The following MUC5AC variants were observed in gnomAD, a reference collection of about 807,000 sequenced individuals.
MUC5AC encodes mucin-5AC.
MUC5AC carries 158 observed loss-of-function variants against 169.7 expected under a neutral mutation model. The ratio of observed to expected loss-of-function variants is 0.93; its 90% CI spans 0.82 to 1.06. MUC5AC has a LOEUF of 1.06. Among genes scored for constraint, MUC5AC ranks in the 50% least tolerant of loss-of-function variants. The pLI, the probability that MUC5AC is intolerant of heterozygous loss-of-function variation, is 0.00. For missense variants in MUC5AC, 4,359 were observed against 3,089.9 expected, an observed-to-expected ratio of 1.41 and a Z score of -9.74; for synonymous variants, 1,975 against 1,237.0, an observed-to-expected ratio of 1.60 and a Z score of -12.52.
rs1282383603 is a variant in MUC5AC at position 1,168,851 on chromosome 11, C to A, written c.1706-11C>A. The stretch of plus-strand genomic sequence containing the variant: ...GGCGCATGGTCCTCAACCTGCCTAA[C>A]CCGCCCCCAGGTCTCTGTGGGAACT... On this transcript the variant is annotated splice_polypyrimidine_tract_variant and intron_variant, in intron 14 of 48. Coordinates refer to ENST00000621226, the MANE Select transcript of MUC5AC (RefSeq NM_001304359.2). The A allele has an allele frequency of 3.2e-6, 5 of 1,583,576 alleles. No homozygotes were observed. The highest frequency in any genetic ancestry group is 4.3e-6 in the Non-Finnish European group (5 of 1,162,200).
In MUC5AC at chr11:1,164,011, G is replaced by A; in HGVS notation, c.789+20G>A. The A allele has an allele frequency of 6.2e-7, 1 of 1,609,358 alleles. No individual in the cohort carries two copies. Among genetic ancestry groups the A allele is most frequent in the Non-Finnish European group, 8.5e-7 (1 of 1,178,096 alleles). Reference sequence around the variant, plus strand: ...GGCTTTGTAAGCCTTGGAGGGAACAGAGGGCCCAGCAGGTTGAGCAGGAGG... The same window carrying A: ...GGCTTTGTAAGCCTTGGAGGGAACAAAGGGCCCAGCAGGTTGAGCAGGAGG... On this transcript the variant is annotated intron_variant, in intron 7 of 48. Transcript: ENST00000621226.
chr11:1,192,759 C>G (rs113034230), intron 31 of MUC5AC, 24 bp from the exon 32 acceptor site: 5 of 742,824 alleles, frequency 6.7e-6, no homozygotes, highest in Non-Finnish European at 1.2e-5. Context: ...CCACTAAAGG[C>G]TGCCATGTCC....
In MUC5AC at chr11:1,184,792, C is replaced by T; in HGVS notation, c.6647C>T (p.Thr2216Ile). 3 of 654,510 alleles carry T rather than the reference C, an allele frequency of 4.6e-6. No homozygotes were observed. The highest frequency in any genetic ancestry group is 8.2e-6 in the Non-Finnish European group (3 of 363,960). The allele number at this position is 654,510 out of a possible 1,614,324, so 40.5% of individuals were successfully genotyped here. Residue 2216 changes from threonine (T) to isoleucine (I), a missense_variant, in exon 31 of 49, where the codon ACC becomes ATC. Transcript: ENST00000621226. ...GAGGTGCGTGTGCTCTGCTGCGAGA[C>T]CCCCAAAGGCTGCCCCGTGACCTCC... The part of the protein sequence containing the change: ...NYEVRVLCCE[T>I]PKGCPVTSTP...
intron 11 of MUC5AC, 99 bp downstream of exon 11, chr11:1,165,859 G>C: frequency 6.5e-7 from 1 of 1,541,606 alleles, no homozygotes; most frequent in South Asian, 1.2e-5. Flanking sequence ...TGCTGCCCCT[G>C]GGGTCACCCT....
Position 1,188,978 on chromosome 11 carries a change from C to T in MUC5AC, c.10833C>T (p.Tyr3611=), listed in dbSNP as rs1197217668. 3.4e-4 allele frequency: 234 copies of T among 692,342 alleles called. 1 individual carries two copies. In the Admixed American group the frequency reaches 4.1e-3, roughly 12 times the overall value. The allele number at this position is 692,342 out of a possible 1,614,324, so 42.9% of individuals were successfully genotyped here. ...QQGPFKMCLN[Y]EVRVLCCETP... ...GACCCTTCAAGATGTGCCTCAACTACGAGGTGCGTGTGCTTTGCTGCGAGA... is the reference window on the plus strand; with the variant it reads ...GACCCTTCAAGATGTGCCTCAACTATGAGGTGCGTGTGCTTTGCTGCGAGA... Residue 3611 remains tyrosine, a synonymous_variant, in exon 31 of 49, where the codon TAC becomes TAT. Coordinates refer to ENST00000621226, the MANE Select transcript of MUC5AC (RefSeq NM_001304359.2).
At chr11:1,174,434 C>T (rs892157253) in intron 16 of MUC5AC, 62 bp from the exon 17 acceptor site, 82 of 1,037,054 alleles carry the variant, frequency 7.9e-5, no homozygotes, top group African/African-American at 2.1e-4. Flanking sequence ...GCCTGCAGGG[C>T]GTGGGGGGCC....
At position 1,198,269 on chromosome 11, in the gene MUC5AC, C is replaced by A; in HGVS notation, c.16137C>A (p.Ser5379Arg). Residue 5379 changes from serine (S) to arginine (R), a missense_variant and splice_region_variant, in exon 43 of 49, where the codon AGC becomes AGA. By Grantham distance (110) the Ser-to-Arg change is moderately radical. Coordinates refer to ENST00000621226, the MANE Select transcript of MUC5AC (RefSeq NM_001304359.2). ...EGACCPVQNC[S>R]WTVCSINGTL... is the part of the protein sequence containing the mutation. ...AGCTGCTTGTCTTCTCGTGGGCAGG[C>A]TGGACAGTGTGCAGCATCAACGGGA... 1 of 754,268 alleles carries A rather than the reference C, an allele frequency of 1.3e-6. No homozygotes were observed. Among genetic ancestry groups the A allele is most frequent in the Non-Finnish European group, 2.4e-6 (1 of 413,208 alleles). The allele number at this position is 754,268 out of a possible 1,614,324, so 46.7% of individuals were successfully genotyped here. A position where few individuals can be genotyped will look rare whatever the true frequency, so the allele number is the denominator to read the frequency against.
chr11:1,160,007 C>T (rs973957728), intron 1 of MUC5AC, among the ~76,000 whole-genome samples: 1 of 147,826 alleles, frequency 6.8e-6, no homozygotes, highest in Non-Finnish European at 1.5e-5. Flanking sequence ...CTGGTCCCAC[C>T]ATGCTGGCTC....
intron 3 of MUC5AC, 63 bp downstream of exon 3, chr11:1,161,649 G>T (rs1468010719): frequency 3.3e-6 from 5 of 1,526,766 alleles, no homozygotes; most frequent in Admixed American, 4.0e-5. Context: ...CCCCGCTCAG[G>T]CCTGGAGGTG....
In MUC5AC at chr11:1,188,599, C is replaced by T; in HGVS notation, c.10454C>T (p.Thr3485Ile). ...TSSTTSGSGT[T>I]PSPVTTTSTA... ...AGCACAACCTCCGGTTCTGGAACTA[C>T]TCCCAGCCCTGTTACCACCACCAGC... Residue 3485 changes from threonine to isoleucine, a missense_variant, in exon 31 of 49, where the codon ACT (threonine) becomes ATT (isoleucine). Thr to Ile is a moderately conservative substitution (Grantham distance 89). Coordinates refer to ENST00000621226, the MANE Select transcript of MUC5AC (RefSeq NM_001304359.2). 2.6e-6 allele frequency: 2 copies of T among 764,960 alleles called. No individual in the cohort carries two copies. Among genetic ancestry groups the T allele is most frequent in the Middle Eastern group, 2.3e-4 (1 of 4,438 alleles). The allele number at this position is 764,960 out of a possible 1,614,324, so 47.4% of individuals were successfully genotyped here.
Position 1,187,780 on chromosome 11 carries a change from C to T in MUC5AC, c.9635C>T (p.Thr3212Ile). 1.3e-6 allele frequency: 1 copy of T among 765,156 alleles called. No individual in the cohort carries two copies. The highest frequency in any genetic ancestry group is 2.4e-6 in the Non-Finnish European group (1 of 417,878). The allele number at this position is 765,156 out of a possible 1,614,324, so 47.4% of individuals were successfully genotyped here. ...TSTSHVSISKTTHSQPVTRDC... is the reference protein window; with the variant it reads ...TSTSHVSISKITHSQPVTRDC... ...ACAAGCCATGTTTCCATATCCAAGA[C>T]AACCCACTCCCAACCAGTCACCAGA... is the stretch of plus-strand genomic sequence containing the variant. The change falls in exon 31 of 49, where the codon ACA becomes ATA. Residue 3212 changes from threonine (T) to isoleucine (I), a missense_variant. Thr to Ile is a moderately conservative substitution (Grantham distance 89, BLOSUM62 -1). Transcript: ENST00000621226.
chr11:1,199,923 G>A lies in MUC5AC; in HGVS notation c.16654G>A (p.Val5552Met), dbSNP rs750361848. ...GCAGGGCTGCAGCTCCTCGGAGCCC[G>A]TGCGCCTGGCTTACTGCCGGGGGAA... is the stretch of plus-strand genomic sequence containing the variant. ...QQQGCSSSEP[V>M]RLAYCRGNCG... Residue 5552 changes from valine (V) to methionine (M), a missense_variant, in exon 48 of 49, where the codon GTG becomes ATG. Transcript: ENST00000621226. 1.0e-5 allele frequency: 8 copies of A among 764,294 alleles called. No homozygotes were observed. Among genetic ancestry groups the A allele is most frequent in the East Asian group, 4.8e-5 (2 of 41,238 alleles). 47.3% of individuals were successfully genotyped at this position (764,294 alleles called of 1,614,324 possible).
At chr11:1,159,235 C>T (rs894913526) in intron 1 of MUC5AC, among the ~76,000 whole-genome samples, 11 of 151,848 alleles carry the variant, frequency 7.2e-5, no homozygotes, top group Non-Finnish European at 4.4e-5. Context: ...CTGAGGACCC[C>T]TATGCCAGTT....
intron 35 of MUC5AC, 49 bp from the exon 36 acceptor site, chr11:1,194,963 C>A (rs1278327698): frequency 1.5e-6 from 1 of 668,246 alleles, no homozygotes; most frequent in Non-Finnish European, 2.8e-6. Context: ...GGGGGTGGGG[C>A]CAGCCGGCTC....
At chr11:1,199,620 C>T (rs921791931) in intron 46 of MUC5AC, 75 bp from the exon 47 acceptor site, 25 of 697,346 alleles carry the variant, frequency 3.6e-5, no homozygotes, top group Non-Finnish European at 6.3e-5. Flanking sequence ...TGAGCCTGGC[C>T]CCATGTCCCC....
chr11:1,170,150 T>C (rs1417133704), intron 15 of MUC5AC, among the ~76,000 whole-genome samples: 8 of 29,748 alleles, frequency 2.7e-4, no homozygotes, highest in African/African-American at 5.2e-4. Flanking sequence ...CACTCACCCA[T>C]TCACCCATTC....
chr11:1,163,392 C>T (rs1220397992), intron 6 of MUC5AC, among the ~76,000 whole-genome samples: 1 of 152,176 alleles, frequency 6.6e-6, no homozygotes, highest in African/African-American at 2.4e-5. Context: ...TGACCTGCAC[C>T]AGCCAAGGCC....
At chr11:1,181,498 C>A (rs1002546381) in intron 30 of MUC5AC, 39 bp downstream of exon 30, 37 of 397,732 alleles carry the variant, frequency 9.3e-5, no homozygotes, top group Non-Finnish European at 1.6e-4. Context: ...GGGTGAGCCC[C>A]CTCCCACTGC....
At chr11:1,193,777 G>A in intron 33 of MUC5AC, 118 bp downstream of exon 33, 1 of 654,052 alleles carries the variant, frequency 1.5e-6, no homozygotes, top group East Asian at 2.7e-5. Flanking sequence ...GGGTGGGACA[G>A]CAGGAAGGAC....
Sources: allele counts gnomAD v4.1 joint callset (sites outside exome capture counted in the v4.1 genomes callset), GRCh38; gene constraint gnomAD v4.1.1; transcripts MANE v1.5; gene names NCBI Gene and HGNC (gene_info 2026-07-23, HGNC 2026-07-21).